MPPED1: variants seen among roughly 807,000 people sequenced by gnomAD.
MPPED1 encodes metallophosphoesterase domain-containing protein 1.
MPPED1 carries 16 observed loss-of-function variants against 36.2 expected under a neutral mutation model. The ratio of observed to expected loss-of-function variants is 0.44; its 90% CI spans 0.30 to 0.67. The LOEUF (loss-of-function observed/expected upper bound fraction) is 0.67, where lower values mean the gene tolerates loss of function less well. MPPED1 is among the 30% of genes least tolerant of loss of function. MPPED1 has a pLI of 0.10. For synonymous variants in MPPED1, 199 were observed against 191.3 expected (o/e 1.04, Z -0.33); for missense variants, 307 against 453.4 (o/e 0.68, Z 2.93).
chr22:43,413,322 C>T (rs1188294726), intron 1 of MPPED1, among the ~76,000 whole-genome samples: 2 of 94,782 alleles, frequency 2.1e-5, no homozygotes, highest in South Asian at 4.3e-4. Flanking sequence ...TCTGCGGCGC[C>T]GGGGGGCGGG....
chr22:43,422,005 G>C (rs1929289434), intron 1 of MPPED1, among the ~76,000 whole-genome samples: 1 of 152,230 alleles, frequency 6.6e-6, no homozygotes, highest in African/African-American at 2.4e-5. Context: ...GCTGCTGGGG[G>C]CCGGAGCTGA....
At chr22:43,482,656 T>G (rs1318271539) in intron 4 of MPPED1, among the ~76,000 whole-genome samples, 1 of 152,196 alleles carries the variant, frequency 6.6e-6, no homozygotes, top group East Asian at 1.9e-4. Flanking sequence ...GTGTGCACAC[T>G]GCTTGGCACA....
At chr22:43,495,287 G>T (rs1234532913) in intron 4 of MPPED1, among the ~76,000 whole-genome samples, 1 of 146,778 alleles carries the variant, frequency 6.8e-6, no homozygotes, top group African/African-American at 2.5e-5. Context: ...GGTGATGGAG[G>T]TGGTGATGGA....
chr22:43,468,962 C>T (rs1468069067), intron 3 of MPPED1, among the ~76,000 whole-genome samples: 1 of 152,186 alleles, frequency 6.6e-6, no homozygotes, highest in South Asian at 2.1e-4. Context: ...CCCCCAGCAC[C>T]TGCACTGCTG....
chr22:43,468,078 A>G (rs913728663), intron 3 of MPPED1, among the ~76,000 whole-genome samples: 3 of 152,246 alleles, frequency 2.0e-5, no homozygotes, highest in African/African-American at 7.2e-5. Context: ...ATACACAGCT[A>G]TTTGAATACA....
intron 4 of MPPED1, among the ~76,000 whole-genome samples, chr22:43,489,663 C>T (rs1932024186): frequency 6.6e-6 from 1 of 152,082 alleles, no homozygotes. Context: ...GGATTACAAG[C>T]ATGTGCCACT....
chr22:43,457,146 C>A (rs566482546), intron 3 of MPPED1, among the ~76,000 whole-genome samples: 2 of 152,218 alleles, frequency 1.3e-5, no homozygotes, highest in African/African-American at 4.8e-5. Context: ...GTGTTTTCTC[C>A]TCTTTTGCTT....
intron 4 of MPPED1, 115 bp downstream of exon 4, chr22:43,475,076 C>A (rs1466276586): frequency 3.3e-6 from 3 of 902,990 alleles, no homozygotes; most frequent in Non-Finnish European, 5.1e-6. Flanking sequence ...AGGCTCAGGA[C>A]TGAATCTTGA....
chr22:43,501,367 C>T (rs1426629774), intron 5 of MPPED1, among the ~76,000 whole-genome samples: 4 of 152,100 alleles, frequency 2.6e-5, no homozygotes, highest in Admixed American at 6.5e-5. Context: ...ATCTTTCCTC[C>T]CCTCCTCCCT....
At chr22:43,495,776 A>G (rs1401935841) in intron 4 of MPPED1, among the ~76,000 whole-genome samples, 118 of 1,110 alleles carry the variant, frequency 0.11, no homozygotes, top group African/African-American at 0.13. Context: ...GGTGGTGGAG[A>G]TGGTGGTGGT....
intron 3 of MPPED1, among the ~76,000 whole-genome samples, chr22:43,444,460 G>A (rs1930266399): frequency 1.4e-5 from 2 of 146,778 alleles, no homozygotes; most frequent in Admixed American, 1.4e-4. Context: ...TCCCCCTCCC[G>A]GGTTCAAATG....
rs752200400 is a variant in MPPED1 at position 43,474,743 on chromosome 22, G to C, written c.414G>C (p.Leu138=). ...VKKFNEWLGS[L]PYEYKIVIAG... ...CTGTGTCCACCCCTGCAGGCAGCCT[G>C]CCCTACGAGTACAAGATCGTGATCG... The change falls in exon 4 of 7, where the codon CTG becomes CTC. Residue 138 remains leucine, a synonymous_variant. Coordinates refer to ENST00000443721, the MANE Select transcript of MPPED1 (RefSeq NM_001044370.2). This position sits in a 1 kb window ranked among gnomAD's most constrained non-coding sequence, Gnocchi z 5.2. 1.9e-6 allele frequency: 3 copies of C among 1,613,954 alleles called. No homozygotes were observed. Among genetic ancestry groups the C allele is most frequent in the Non-Finnish European group, 1.7e-6 (2 of 1,179,878 alleles).
chr22:43,500,714 G>A (rs544077569), intron 5 of MPPED1, among the ~76,000 whole-genome samples: 1 of 152,162 alleles, frequency 6.6e-6, no homozygotes, highest in African/African-American at 2.4e-5. Context: ...CACTGGTCCA[G>A]GATAACTCCT....
intron 4 of MPPED1, among the ~76,000 whole-genome samples, chr22:43,475,573 T>TGTG (rs1184288180): frequency 4.3e-5 from 4 of 93,878 alleles, no homozygotes; most frequent in Non-Finnish European, 8.3e-5. Flanking sequence ...TGATGATGGT[T>TGTG]GTGGTGGTGG....
chr22:43,473,296 G>A (rs1370427363), intron 3 of MPPED1, among the ~76,000 whole-genome samples: 3 of 152,186 alleles, frequency 2.0e-5, no homozygotes, highest in South Asian at 2.1e-4. Context: ...CCAGACAAGT[G>A]TTCTGGCACC....
chr22:43,417,043 A>C, intron 1 of MPPED1: 1 of 983,544 alleles, frequency 1.0e-6, no homozygotes, highest in African/African-American at 1.7e-5. Context: ...ATTCCGAAAT[A>C]AAAGTACATA....
chr22:43,471,052 A>G (rs1931358522), intron 3 of MPPED1, among the ~76,000 whole-genome samples: 1 of 152,254 alleles, frequency 6.6e-6, no homozygotes, highest in Admixed American at 6.5e-5. Context: ...AAAAAGCCTC[A>G]GTCATCAGCT....
intron 3 of MPPED1, among the ~76,000 whole-genome samples, chr22:43,435,547 A>G (rs1929928780): frequency 6.6e-6 from 1 of 152,104 alleles, no homozygotes; most frequent in East Asian, 1.9e-4. Flanking sequence ...TGGCAAAGGT[A>G]GGGCCTCAAT....
At chr22:43,443,040 A>T (rs1253335235) in intron 3 of MPPED1, among the ~76,000 whole-genome samples, 1 of 152,150 alleles carries the variant, frequency 6.6e-6, no homozygotes, top group African/African-American at 2.4e-5. Flanking sequence ...GGGTGGCCTG[A>T]GGTTGAATGC....
Sources: allele counts gnomAD v4.1 joint callset (sites outside exome capture counted in the v4.1 genomes callset), GRCh38; gene constraint gnomAD v4.1.1; non-coding constraint Gnocchi (gnomAD v3.1); transcripts MANE v1.5; gene names NCBI Gene and HGNC (gene_info 2026-07-23, HGNC 2026-07-21).